Variants in FGF12 observed in about 807,000 individuals in gnomAD.
The protein encoded by FGF12 is fibroblast growth factor 12B.
In FGF12, 14 loss-of-function variants were observed where a neutral mutation model predicts 23.6. The observed-to-expected ratio is 0.59, with a 90% CI of 0.39 to 0.93. The LOEUF (loss-of-function observed/expected upper bound fraction) is 0.93, where lower values mean the gene tolerates loss of function less well. Among genes scored for constraint, FGF12 ranks in the 40% least tolerant of loss-of-function variants. The pLI is 0.00. For synonymous variants in FGF12, 62 were observed against 77.3 expected (o/e 0.80, Z 1.04); for missense variants, 175 against 217.8 (o/e 0.80, Z 1.24).
chr3:192,532,952 C>A lies in FGF12; in HGVS notation c.14-172414G>T, dbSNP rs1267279099. On this transcript the variant is annotated intron_variant, in intron 2 of 5. Transcript: ENST00000445105. ...CATGATCTAGAATTGTTTTCTCTAA[C>A]CTTATTTCTCCTACACACCATCACA... Among the ~76,000 whole-genome samples the A allele has an allele frequency of 7.9e-5, 12 of 152,062 alleles. No individual in the cohort carries two copies. The South Asian group carries it at 1.0e-3, about 13-fold the overall frequency.
intron 4 of FGF12, among the ~76,000 whole-genome samples, chr3:192,299,416 T>A (rs959547411): frequency 2.0e-5 from 3 of 152,226 alleles, no homozygotes; most frequent in African/African-American, 7.2e-5. Context: ...TTTGAGGACA[T>A]GACTTATTCT....
At chr3:192,428,404 A>G (rs1454714476) in intron 2 of FGF12, among the ~76,000 whole-genome samples, 2 of 152,216 alleles carry the variant, frequency 1.3e-5, no homozygotes, top group African/African-American at 4.8e-5. Flanking sequence ...CTATGTCTGA[A>G]AGCAGCCACT....
chr3:192,435,428 C>A (rs1232322046), intron 2 of FGF12, among the ~76,000 whole-genome samples: 1 of 152,216 alleles, frequency 6.6e-6, no homozygotes, highest in Non-Finnish European at 1.5e-5. Flanking sequence ...CATCTGGCTT[C>A]TTACTCCCAG....
intron 2 of FGF12, among the ~76,000 whole-genome samples, chr3:192,661,497 C>A (rs1418447477): frequency 2.0e-5 from 3 of 152,082 alleles, no homozygotes. Context: ...TGCACTCCAG[C>A]CTGGGTGACA....
chr3:192,626,076 T>A (rs2108651663), intron 2 of FGF12, among the ~76,000 whole-genome samples: 1 of 152,332 alleles, frequency 6.6e-6, no homozygotes, highest in East Asian at 1.9e-4. Flanking sequence ...CTACAAAATT[T>A]TCTCACGGCT....
intron 2 of FGF12, among the ~76,000 whole-genome samples, chr3:192,395,640 C>T (rs1033682230): frequency 2.6e-5 from 4 of 152,164 alleles, no homozygotes; most frequent in South Asian, 4.1e-4. Flanking sequence ...CACTCTCCAG[C>T]GGCAGAGACA....
chr3:192,437,160 T>C (rs1722051014), intron 2 of FGF12, among the ~76,000 whole-genome samples: 2 of 151,782 alleles, frequency 1.3e-5, no homozygotes, highest in South Asian at 2.1e-4. Flanking sequence ...TCTGGGAAAA[T>C]GGAGGAAATA....
chr3:192,338,133 T>C (rs888134105), intron 3 of FGF12, among the ~76,000 whole-genome samples: 4 of 152,172 alleles, frequency 2.6e-5, no homozygotes, highest in African/African-American at 9.6e-5. Context: ...CTTTTTGTTC[T>C]TTATTTTTCT....
intron 4 of FGF12, among the ~76,000 whole-genome samples, chr3:192,205,620 G>C (rs777533109): frequency 1.2e-4 from 19 of 152,180 alleles, no homozygotes; most frequent in Non-Finnish European, 2.2e-4. Flanking sequence ...TGTTGGTGTA[G>C]GCAGAGTAGG....
At chr3:192,630,576 G>C (rs1327581235) in intron 2 of FGF12, among the ~76,000 whole-genome samples, 1 of 130,828 alleles carries the variant, frequency 7.6e-6, no homozygotes, top group Non-Finnish European at 1.6e-5. Flanking sequence ...TTTTTTAGAT[G>C]GAGTCTTGCT....
intron 4 of FGF12, among the ~76,000 whole-genome samples, chr3:192,264,246 T>C (rs1332463624): frequency 1.3e-5 from 2 of 152,122 alleles, no homozygotes; most frequent in Non-Finnish European, 2.9e-5. Context: ...GATAACTAAA[T>C]TGACCTAACA....
intron 2 of FGF12, among the ~76,000 whole-genome samples, chr3:192,673,879 A>T (rs183726437): frequency 6.6e-6 from 1 of 151,270 alleles, no homozygotes; most frequent in Admixed American, 6.6e-5. Flanking sequence ...TAATAGAATG[A>T]TCTATATTTC....
intron 4 of FGF12, among the ~76,000 whole-genome samples, chr3:192,241,989 A>G (rs138932385): frequency 1.9e-3 from 286 of 152,302 alleles, no homozygotes; most frequent in African/African-American, 6.6e-3. Context: ...ACGTTGCATC[A>G]GTATTTATGG....
chr3:192,707,208 G>A (rs1162378464), intron 2 of FGF12, among the ~76,000 whole-genome samples: 1 of 152,194 alleles, frequency 6.6e-6, no homozygotes, highest in Non-Finnish European at 1.5e-5. Context: ...TTGAACTGAT[G>A]CAGAAGTCTC....
chr3:192,665,352 T>C (rs1716827212), intron 2 of FGF12, among the ~76,000 whole-genome samples: 1 of 152,154 alleles, frequency 6.6e-6, no homozygotes, highest in Non-Finnish European at 1.5e-5. Context: ...AACAGATTGC[T>C]ATGCCATTAC....
intron 2 of FGF12, among the ~76,000 whole-genome samples, chr3:192,587,693 C>A (rs910478411): frequency 3.3e-5 from 5 of 151,654 alleles, no homozygotes; most frequent in African/African-American, 1.2e-4. Context: ...TGGTGGCACA[C>A]AGCTGTAGCC....
At chr3:192,444,414 C>CTT (rs142086355) in intron 2 of FGF12, among the ~76,000 whole-genome samples, 56 of 151,566 alleles carry the variant, frequency 3.7e-4, no homozygotes, top group African/African-American at 5.1e-4. Context: ...TTCCTTTTGT[C>CTT]TTTTTTTTTA....
chr3:192,555,129 T>A (rs906513859), intron 2 of FGF12, among the ~76,000 whole-genome samples: 1 of 152,074 alleles, frequency 6.6e-6, no homozygotes, highest in Non-Finnish European at 1.5e-5. Context: ...GAAGAAGTAA[T>A]GGGCCCAAAC....
intron 2 of FGF12, among the ~76,000 whole-genome samples, chr3:192,463,354 A>C (rs890889037): frequency 6.6e-6 from 1 of 152,110 alleles, no homozygotes; most frequent in African/African-American, 2.4e-5. Flanking sequence ...TGGGAGGCAG[A>C]GGTTGCAGTG....
Sources: gnomAD v4.1 joint callset for allele counts (sites outside exome capture counted in the v4.1 genomes callset) on GRCh38, gnomAD v4.1.1 for gene constraint, MANE v1.5 for transcripts, NCBI Gene and HGNC (gene_info 2026-07-23, HGNC 2026-07-21) for gene names.